Variants in NLRP4 observed in about 807,000 individuals in gnomAD.
NLRP4 encodes NLR family pyrin domain containing 4.
A neutral mutation model predicts 84.7 loss-of-function variants in NLRP4; 44 were observed. The ratio of observed to expected loss-of-function variants is 0.52; its 90% CI spans 0.41 to 0.67. The LOEUF is 0.67. Ranked by LOEUF, NLRP4 falls within the 30% of genes least tolerant of loss-of-function variation. The probability of loss-of-function intolerance (pLI) is 0.00; values close to 1 mark genes in which losing one functional copy is unlikely to be tolerated. For synonymous variants in NLRP4, 544 were observed against 476.4 expected, an observed-to-expected ratio of 1.14 and a Z score of -1.85; for missense variants, 1,260 against 1,219.4, an observed-to-expected ratio of 1.03 and a Z score of -0.50.
intron 1 of NLRP4, among the ~76,000 whole-genome samples, chr19:55,849,430 T>C (rs987920554): frequency 6.6e-6 from 1 of 152,188 alleles, no homozygotes; most frequent in Non-Finnish European, 1.5e-5. Flanking sequence ...CTGGATGGCT[T>C]ACCAACAGAA....
At chr19:55,851,713 A>T (rs35969546) in intron 1 of NLRP4, among the ~76,000 whole-genome samples, 2,554 of 91,760 alleles carry the variant, frequency 0.028, 177 homozygotes, top group African/African-American at 0.12. Flanking sequence ...GTAATGTCCG[A>T]GGCTGCGGTG....
In NLRP4 at chr19:55,858,156, C is replaced by T. The variant is rs756196545; in HGVS notation, c.763C>T (p.Arg255Trp). The T allele has an allele frequency of 1.2e-5, 20 of 1,614,018 alleles. No individual in the cohort carries two copies. The highest frequency in any genetic ancestry group is 5.5e-5 in the South Asian group (5 of 91,084). Residue 255 changes from arginine (R) to tryptophan (W), a missense_variant, in exon 3 of 10, where the codon CGG becomes TGG. This residue lies in a region of NLRP4 where 712 missense variants were observed against 669.2 expected (regional missense o/e 1.06). Coordinates refer to ENST00000301295, the MANE Select transcript of NLRP4 (RefSeq NM_134444.5). This position sits in a 1 kb window ranked among gnomAD's most constrained non-coding sequence, Gnocchi z 4.2. ...SDLCGDLMEK[R>W]PVQVLLSSLL... ...TCTGTGTGGTGACTTGATGGAGAAACGGCCGGTGCAGGTGCTTCTGAGCAG... is the reference window on the plus strand; with the variant it reads ...TCTGTGTGGTGACTTGATGGAGAAATGGCCGGTGCAGGTGCTTCTGAGCAG...
Position 55,851,954 on chromosome 19 carries a change from T to C in NLRP4, c.-65-62T>C. ...TCCCCCCAGTACTAGCAAGATACTATATAATGGTAATCTTGATCCATTTAT... is the reference window on the plus strand; with the variant it reads ...TCCCCCCAGTACTAGCAAGATACTACATAATGGTAATCTTGATCCATTTAT... On this transcript the variant is annotated intron_variant, in intron 1 of 9. Coordinates refer to ENST00000301295, the MANE Select transcript of NLRP4 (RefSeq NM_134444.5). The C allele has an allele frequency of 5.5e-6, 4 of 733,102 alleles. No homozygotes were observed. In the South Asian group the frequency reaches 6.7e-5, roughly 12 times the overall value. The allele number at this position is 733,102 out of a possible 1,614,324, so 45.4% of individuals were successfully genotyped here. A position where few individuals can be genotyped will look rare whatever the true frequency, so the allele number is the denominator to read the frequency against.
In NLRP4 at chr19:55,858,601, C is replaced by T; in HGVS notation, c.1208C>T (p.Ala403Val). Reference sequence around the variant, plus strand: ...CAGCTGAAGGCCCTGTGCTCCCTGGCTGCAGAGGGTATGTGGACAGACACA... The same window carrying T: ...CAGCTGAAGGCCCTGTGCTCCCTGGTTGCAGAGGGTATGTGGACAGACACA... Reference protein sequence around the residue: ...QHQLKALCSLAAEGMWTDTFE... With the variant: ...QHQLKALCSLVAEGMWTDTFE... Residue 403 changes from alanine (A) to valine (V), a missense_variant, in exon 3 of 10, where the codon GCT (alanine) becomes GTT (valine). Coordinates refer to ENST00000301295, the MANE Select transcript of NLRP4 (RefSeq NM_134444.5). The surrounding 1 kb of genome is among the most constrained non-coding windows in gnomAD (Gnocchi z 4.2). 1 of 1,614,194 alleles carries T rather than the reference C, an allele frequency of 6.2e-7. No individual in the cohort carries two copies. Among genetic ancestry groups the T allele is most frequent in the Non-Finnish European group, 8.5e-7 (1 of 1,180,034 alleles).
At chr19:55,855,086 T>C (rs755870937) in intron 2 of NLRP4, among the ~76,000 whole-genome samples, 4 of 152,110 alleles carry the variant, frequency 2.6e-5, no homozygotes, top group Non-Finnish European at 5.9e-5. Flanking sequence ...TGTCACACGC[T>C]GAGGTCTCAG....
intron 9 of NLRP4, among the ~76,000 whole-genome samples, chr19:55,880,336 A>G (rs1179246856): frequency 6.6e-6 from 1 of 152,216 alleles, no homozygotes; most frequent in African/African-American, 2.4e-5. Context: ...GATTAAGGGG[A>G]AGGACTCAAA....
intron 1 of NLRP4, among the ~76,000 whole-genome samples, chr19:55,840,355 T>TGTGC (rs1555806411): frequency 4.0e-5 from 6 of 150,338 alleles, no homozygotes; most frequent in African/African-American, 1.5e-4. Context: ...TGTGTGTGTG[T>TGTGC]GTGTGTGTGT....
At chr19:55,842,497 A>G (rs979758433) in intron 1 of NLRP4, among the ~76,000 whole-genome samples, 1 of 151,698 alleles carries the variant, frequency 6.6e-6, no homozygotes, top group Non-Finnish European at 1.5e-5. Flanking sequence ...ATCTTCCCAG[A>G]GAAGAACATT....
At position 55,877,016 on chromosome 19, in the gene NLRP4, C is replaced by G. The variant is rs1458812856; in HGVS notation, c.2546C>G (p.Thr849Ser). The part of the protein sequence containing the change: ...DSLCLVKCFI[T>S]AAGCEDLASA... ...TGCAGTTTGGTAAAATGTTTTATCA[C>G]TGCTGCTGGCTGTGAAGACCTCGCC... The change falls in exon 8 of 10, where the codon ACT (threonine) becomes AGT (serine). Residue 849 changes from threonine to serine, a missense_variant. Thr to Ser is a moderately conservative substitution (Grantham distance 58). Around this residue, in one of 3 missense-constraint regions of NLRP4, gnomAD observed 544 missense variants for 531.7 expected, o/e 1.02. Coordinates refer to ENST00000301295, the MANE Select transcript of NLRP4 (RefSeq NM_134444.5). 2 of 1,613,772 alleles carry G rather than the reference C, an allele frequency of 1.2e-6. No individual in the cohort carries two copies. The highest frequency in any genetic ancestry group is 2.7e-5 in the African/African-American group (2 of 74,914).
intron 1 of NLRP4, among the ~76,000 whole-genome samples, chr19:55,839,501 CA>C (rs1983527389): frequency 5.7e-5 from 8 of 139,758 alleles, no homozygotes; most frequent in African/African-American, 1.9e-4. Flanking sequence ...AAAAAGCTTT[CA>C]AAACTTCACA....
At chr19:55,866,887 G>T (rs1984975655) in intron 5 of NLRP4, among the ~76,000 whole-genome samples, 1 of 152,140 alleles carries the variant, frequency 6.6e-6, no homozygotes, top group Admixed American at 6.5e-5. Flanking sequence ...CTTGGGAATG[G>T]GTAGGACCCT....
chr19:55,848,593 G>A (rs958833447), intron 1 of NLRP4, among the ~76,000 whole-genome samples: 3 of 152,054 alleles, frequency 2.0e-5, no homozygotes, highest in African/African-American at 7.2e-5. Flanking sequence ...TAGTAGAGAT[G>A]GGGTTTCACC....
At chr19:55,881,332 A>C (rs1985581403) in intron 9 of NLRP4, 138 bp from the exon 10 acceptor site, 1 of 560,368 alleles carries the variant, frequency 1.8e-6, no homozygotes, top group African/African-American at 1.9e-5. Flanking sequence ...GCTGCATTTG[A>C]TGTGTATGTC....
intron 9 of NLRP4, among the ~76,000 whole-genome samples, chr19:55,880,666 C>A (rs977677382): frequency 6.6e-6 from 1 of 152,034 alleles, no homozygotes; most frequent in African/African-American, 2.4e-5. Flanking sequence ...AAACAGATGC[C>A]AAATGGAGAT....
chr19:55,852,459 C>G (rs1439671069), intron 2 of NLRP4, 99 bp downstream of exon 2: 2 of 684,072 alleles, frequency 2.9e-6, no homozygotes, highest in Non-Finnish European at 4.9e-6. Context: ...CCTGAATGTG[C>G]TATGGGAAAA....
Position 55,873,676 on chromosome 19 carries a change from G to A in NLRP4, c.2525+2679G>A, listed in dbSNP as rs541194951. Among the ~76,000 whole-genome samples the A allele has an allele frequency of 1.4e-4, 21 of 152,096 alleles. No homozygotes were observed. In the South Asian group the frequency reaches 2.3e-3, roughly 17 times the overall value. ...ATGAAAGGATAGAAAAAAAGACCAC[G>A]CAAATATTAAAAGGAAGCTTACGCA... is the stretch of plus-strand genomic sequence containing the variant. On this transcript the variant is annotated intron_variant, in intron 7 of 9. Coordinates refer to ENST00000301295, the MANE Select transcript of NLRP4 (RefSeq NM_134444.5).
At chr19:55,867,072 G>T (rs1462892308) in intron 5 of NLRP4, among the ~76,000 whole-genome samples, 1 of 150,444 alleles carries the variant, frequency 6.6e-6, no homozygotes, top group Non-Finnish European at 1.5e-5. Context: ...ATCTCAGGTT[G>T]GCTGTCTCTG....
intron 7 of NLRP4, among the ~76,000 whole-genome samples, chr19:55,874,843 T>C (rs1985313239): frequency 6.6e-6 from 1 of 152,146 alleles, no homozygotes; most frequent in South Asian, 2.1e-4. Flanking sequence ...AAGGCTAGTG[T>C]CATTCATGAA....
Position 55,857,784 on chromosome 19 carries a change from G to A in NLRP4, c.391G>A (p.Glu131Lys), listed in dbSNP as rs746909095. 8 of 1,614,120 alleles carry A rather than the reference G, an allele frequency of 5.0e-6. No individual in the cohort carries two copies. In the South Asian group the frequency reaches 8.8e-5, roughly 18 times the overall value. ...LYFEEEVKQE[E>K]CDHLDRLFAP... is the part of the protein sequence containing the mutation. Reference sequence around the variant, plus strand: ...CTTTGAGGAGGAAGTCAAGCAAGAAGAATGTGACCATTTGGACCGCCTTTT... The same window carrying A: ...CTTTGAGGAGGAAGTCAAGCAAGAAAAATGTGACCATTTGGACCGCCTTTT... The change falls in exon 3 of 10, where the codon GAA becomes AAA. Residue 131 changes from glutamate (E) to lysine (K), a missense_variant. By Grantham distance (56) the Glu-to-Lys change is moderately conservative. This residue lies in a region of NLRP4 where 712 missense variants were observed against 669.2 expected (regional missense o/e 1.06). Transcript: ENST00000301295.
Sources: allele counts gnomAD v4.1 joint callset (sites outside exome capture counted in the v4.1 genomes callset), GRCh38; gene constraint gnomAD v4.1.1; regional missense constraint gnomAD v4.1.1; non-coding constraint Gnocchi (gnomAD v3.1); transcripts MANE v1.5; gene names NCBI Gene and HGNC (gene_info 2026-07-23, HGNC 2026-07-21).